The following ARHGEF16 variants were observed in gnomAD, a reference collection of about 807,000 sequenced individuals.
ARHGEF16 encodes Rho guanine exchange factor (GEF) 16.
A neutral mutation model predicts 74.1 loss-of-function variants in ARHGEF16; 59 were observed. That is an observed-to-expected ratio of 0.80 (90% CI 0.65 to 0.99). The LOEUF is 0.99. Among genes scored for constraint, ARHGEF16 ranks in the 50% least tolerant of loss-of-function variants. ARHGEF16 has a pLI of 0.00. For synonymous variants in ARHGEF16, 415 were observed against 412.6 expected (o/e 1.01, Z -0.07); for missense variants, 948 against 986.6 (o/e 0.96, Z 0.52).
rs922239077 is a variant in ARHGEF16 at position 3,467,238 on chromosome 1, C to T, written c.705C>T (p.Leu235=). 1.1e-5 allele frequency: 17 copies of T among 1,550,558 alleles called. No homozygotes were observed. The highest frequency in any genetic ancestry group is 2.4e-5 in the East Asian group (1 of 40,920). The change falls in exon 4 of 15, where the codon CTC becomes CTT. Residue 235 remains leucine, a synonymous_variant. Coordinates refer to ENST00000378378, the MANE Select transcript of ARHGEF16 (RefSeq NM_014448.4). ...NTSQESDDDI[L]DESSSPEGTQ... is the part of the protein sequence containing the mutation. ...GCCAGGAGTCTGATGACGACATCCTCGATGAGTCCTCCAGCCCCGAGGGAA... is the reference window on the plus strand; with the variant it reads ...GCCAGGAGTCTGATGACGACATCCTTGATGAGTCCTCCAGCCCCGAGGGAA...
In ARHGEF16 at chr1:3,477,992, T is replaced by A. The variant is rs1639939911; in HGVS notation, c.1591T>A (p.Phe531Ile). ...ASRPTCYLFL[F>I]NDVLVVTKKK... is the part of the protein sequence containing the mutation. Reference sequence around the variant, plus strand: ...CCGGCCAACGTGCTACCTTTTCCTGTTCAACGATGTCCTGGTTGTGACCAA... The same window carrying A: ...CCGGCCAACGTGCTACCTTTTCCTGATCAACGATGTCCTGGTTGTGACCAA... Residue 531 changes from phenylalanine (F) to isoleucine (I), a missense_variant, in exon 11 of 15, where the codon TTC (phenylalanine) becomes ATC (isoleucine). By Grantham distance (21) the Phe-to-Ile change is conservative. Transcript: ENST00000378378. 6.2e-7 allele frequency: 1 copy of A among 1,612,586 alleles called. No homozygotes were observed. Among genetic ancestry groups the A allele is most frequent in the African/African-American group, 1.3e-5 (1 of 74,936 alleles).
At chr1:3,460,120 TG>T (rs879901102) in intron 1 of ARHGEF16, among the ~76,000 whole-genome samples, 1 of 152,144 alleles carries the variant, frequency 6.6e-6, no homozygotes, top group Non-Finnish European at 1.5e-5. Flanking sequence ...AGCCGGCTCC[TG>T]GGGGGCTCTG....
rs751301556 is a variant in ARHGEF16 at position 3,477,893 on chromosome 1, G to A, written c.1492G>A (p.Ala498Thr). ...SKVKSLPLIS[A>T]SRWLLKRGEL... ...CCCCCAGTCCCTCCCACTGATCTCT[G>A]CCTCCCGGTGGCTGCTGAAGCGCGG... Residue 498 changes from alanine to threonine, a missense_variant, in exon 11 of 15, where the codon GCC becomes ACC. Coordinates refer to ENST00000378378, the MANE Select transcript of ARHGEF16 (RefSeq NM_014448.4). 12 of 1,612,230 alleles carry A rather than the reference G, an allele frequency of 7.4e-6. No individual in the cohort carries two copies. The highest frequency in any genetic ancestry group is 2.7e-5 in the African/African-American group (2 of 74,830).
chr1:3,477,171 G>A lies in ARHGEF16; in HGVS notation c.1474-704G>A, dbSNP rs112577856. ...TGTAGTGGGCACAGGTGGGGAAGCC[G>A]GGGCCCACAGGGAGCAGGTGAGGAG... On this transcript the variant is annotated intron_variant, in intron 10 of 14. Transcript: ENST00000378378. 8.7e-3 allele frequency among the ~76,000 whole-genome samples: 1,321 copies of A among 151,564 alleles called. 17 individuals carry two copies. The highest frequency in any genetic ancestry group is 0.031 in the African/African-American group (1,269 of 41,262).
chr1:3,466,071 G>C, intron 2 of ARHGEF16, 77 bp from the exon 3 acceptor site: 1 of 1,492,840 alleles, frequency 6.7e-7, no homozygotes, highest in South Asian at 1.2e-5. Context: ...AGGTCTCTGG[G>C]GTCCCAGGGC....
rs895104410 is a variant in ARHGEF16, at chr1:3,466,292, G to A, written c.634+99G>A. The A allele has an allele frequency of 1.2e-4, 153 of 1,313,840 alleles. 1 individual carries two copies. The highest frequency in any genetic ancestry group is 1.3e-4 in the Non-Finnish European group (130 of 965,474). The allele number at this position is 1,313,840 out of a possible 1,614,324, so 81.4% of individuals were successfully genotyped here. A position where few individuals can be genotyped will look rare whatever the true frequency, so the allele number is the denominator to read the frequency against. ...CGGGTGGGCCTCAGTTTGGTGTCTC[G>A]GGGTCACCAAAGCTGCTTGACAGGG... On this transcript the variant is annotated intron_variant, in intron 3 of 14. Transcript: ENST00000378378.
At chr1:3,479,764 C>T (rs774989672) in intron 13 of ARHGEF16, 48 bp from the exon 14 acceptor site, 5 of 1,595,216 alleles carry the variant, frequency 3.1e-6, no homozygotes, top group Admixed American at 1.7e-5. Context: ...GGAGTGGAGC[C>T]TGGCCCATGC....
intron 2 of ARHGEF16, among the ~76,000 whole-genome samples, chr1:3,465,755 G>A (rs991886804): frequency 1.3e-5 from 2 of 152,152 alleles, no homozygotes; most frequent in Non-Finnish European, 2.9e-5. Context: ...CCATGCTTGG[G>A]GCTGGACACT....
rs761748714 is a variant in ARHGEF16 at position 3,468,871 on chromosome 1, TC to T, written c.805-3del. On this transcript the variant is annotated splice_region_variant and splice_polypyrimidine_tract_variant and intron_variant, in intron 4 of 14. Coordinates refer to ENST00000378378, the MANE Select transcript of ARHGEF16 (RefSeq NM_014448.4). Reference sequence around the variant, plus strand: ...GTGACCGAGAGCTCCTGGGCCTGTGTCCCCCCAGGTGGTGGAATTGGGCATC... The same window carrying T: ...GTGACCGAGAGCTCCTGGGCCTGTGTCCCCCAGGTGGTGGAATTGGGCATC... The T allele has an allele frequency of 1.0e-4, 161 of 1,550,080 alleles. No individual in the cohort carries two copies. Among genetic ancestry groups the T allele is most frequent in the Admixed American group, 5.1e-4 (26 of 50,972 alleles).
Position 3,474,657 on chromosome 1 carries a change from C to T in ARHGEF16, c.1306-51C>T, listed in dbSNP as rs138263309. ...GGTCTGGCGTTGGTGGGAGCCTCCACACCTGGGATGCCAGAGGGGACTTTC... is the reference window on the plus strand; with the variant it reads ...GGTCTGGCGTTGGTGGGAGCCTCCATACCTGGGATGCCAGAGGGGACTTTC... On this transcript the variant is annotated intron_variant, in intron 8 of 14. Coordinates refer to ENST00000378378, the MANE Select transcript of ARHGEF16 (RefSeq NM_014448.4). 616 of 1,565,596 alleles carry T rather than the reference C, an allele frequency of 3.9e-4. 7 individuals are homozygous for T. In the East Asian group the frequency reaches 0.012, roughly 29 times the overall value.
intron 10 of ARHGEF16, among the ~76,000 whole-genome samples, chr1:3,476,914 G>A (rs116585589): frequency 7.4e-4 from 112 of 152,220 alleles, no homozygotes; most frequent in African/African-American, 2.4e-3. Context: ...GCCCACACCC[G>A]TGCAGCCCTC....
At chr1:3,478,325 C>T in intron 11 of ARHGEF16, 99 bp from the exon 12 acceptor site, 1 of 1,347,090 alleles carries the variant, frequency 7.4e-7, no homozygotes, top group Non-Finnish European at 1.0e-6. Flanking sequence ...GCTGCCTCCC[C>T]ACCACTGCAG....
At chr1:3,470,259 G>A (rs3122398) in intron 6 of ARHGEF16, among the ~76,000 whole-genome samples, 1 of 151,918 alleles carries the variant, frequency 6.6e-6, no homozygotes, top group Non-Finnish European at 1.5e-5. Context: ...TGTGGGGGCA[G>A]GGGTGTGTAT....
chr1:3,479,703 G>A (rs1218057391), intron 13 of ARHGEF16, 109 bp from the exon 14 acceptor site: 12 of 1,548,518 alleles, frequency 7.7e-6, no homozygotes, highest in South Asian at 3.4e-5. Flanking sequence ...CCTGGCAGTC[G>A]GGGGATGGGG....
In ARHGEF16 at chr1:3,474,789, T is replaced by C. The variant is rs375460721; in HGVS notation, c.1380+7T>C. The C allele has an allele frequency of 1.6e-5, 25 of 1,612,528 alleles. No individual in the cohort carries two copies. The highest frequency in any genetic ancestry group is 2.2e-5 in the South Asian group (2 of 91,084). ...ACTGAAGGCCATCAGCAAGGTAAGA[T>C]GGGGCCTGGCCCCAGCCCTACCCGA... On this transcript the variant is annotated splice_region_variant and intron_variant, in intron 9 of 14. Coordinates refer to ENST00000378378, the MANE Select transcript of ARHGEF16 (RefSeq NM_014448.4).
rs1382215746 is a variant in ARHGEF16 at position 3,463,165 on chromosome 1, CG to C, written c.87del (p.Asn30ThrfsTer44). On this transcript the variant is annotated frameshift_variant, in exon 2 of 15. Transcript: ENST00000378378. LOFTEE classifies it high-confidence loss of function. ...TCCACTCGGAGCTCCGGCTCGATGCCGGGGGGAACCCAGCCTCCGGGCTCCC... is the reference window on the plus strand; with the variant it reads ...TCCACTCGGAGCTCCGGCTCGATGCCGGGGGAACCCAGCCTCCGGGCTCCC... ...RFHSELRLDA[G>X]GNPASGLPMV... 19 of 1,516,758 alleles carry C rather than the reference CG, an allele frequency of 1.3e-5. No individual in the cohort carries two copies. The highest frequency in any genetic ancestry group is 4.3e-5 in the Admixed American group (2 of 46,738). 94.0% of individuals were successfully genotyped at this position (1,516,758 alleles called of 1,614,324 possible).
chr1:3,471,737 C>G (rs970004274), intron 6 of ARHGEF16: 15 of 1,209,262 alleles, frequency 1.2e-5, no homozygotes, highest in Non-Finnish European at 1.5e-5. Flanking sequence ...CAGCTGGGCC[C>G]CCGACAGCTC....
In ARHGEF16 at chr1:3,467,284, A is replaced by G. The variant is rs1421811944; in HGVS notation, c.751A>G (p.Ile251Val). Residue 251 changes from isoleucine (I) to valine (V), a missense_variant, in exon 4 of 15, where the codon ATT becomes GTT. Ile to Val is a conservative substitution (Grantham distance 29, BLOSUM62 3). Transcript: ENST00000378378. ...GGGAACCCAGAAGGTGGACGCCACC[A>G]TTGTGGTCAAGAGCTACCGGCCCGC... ...PEGTQKVDAT[I>V]VVKSYRPAQV... is the part of the protein sequence containing the mutation. 1.3e-6 allele frequency: 2 copies of G among 1,550,282 alleles called. No homozygotes were observed.
Position 3,477,889 on chromosome 1 carries a change from CTCT to C in ARHGEF16, c.1489_1491del (p.Ser497del), listed in dbSNP as rs1639934664. The C allele has an allele frequency of 3.1e-6, 5 of 1,603,120 alleles. No homozygotes were observed. The highest frequency in any genetic ancestry group is 3.4e-6 in the Non-Finnish European group (4 of 1,171,820). On this transcript the variant is annotated inframe_deletion, in exon 11 of 15. Coordinates refer to ENST00000378378, the MANE Select transcript of ARHGEF16 (RefSeq NM_014448.4). ...TGTCCCCCCAGTCCCTCCCACTGATCTCTGCCTCCCGGTGGCTGCTGAAGCGCG... is the reference window on the plus strand; with the variant it reads ...TGTCCCCCCAGTCCCTCCCACTGATCGCCTCCCGGTGGCTGCTGAAGCGCG...
Sources: gnomAD v4.1 joint callset for allele counts (sites outside exome capture counted in the v4.1 genomes callset) on GRCh38, gnomAD v4.1.1 for gene constraint, MANE v1.5 for transcripts, NCBI Gene and HGNC (gene_info 2026-07-23, HGNC 2026-07-21) for gene names.